MAF: variants seen among roughly 807,000 people sequenced by gnomAD.
MAF encodes the protein MAF bZIP transcription factor.
In MAF, 10 loss-of-function variants were observed where a neutral mutation model predicts 22.0. That is an observed-to-expected ratio of 0.45 (90% CI 0.28 to 0.77). MAF has a LOEUF of 0.77. Ranked by LOEUF, MAF falls within the 30% of genes least tolerant of loss-of-function variation. MAF has a pLI of 0.12. For synonymous variants in MAF, 337 were observed against 255.8 expected (o/e 1.32, Z -3.03); for missense variants, 544 against 548.4 (o/e 0.99, Z 0.08).
At chr16:79,494,725 C>G in the MAF span, among the ~76,000 whole-genome samples, 5 of 152,200 alleles carry the variant, frequency 3.3e-5, 1 homozygote. Flanking sequence ...CTGAGTGTCC[C>G]GGTAACCGCC....
chr16:79,406,957 G>C, the MAF span, among the ~76,000 whole-genome samples: 596 of 152,224 alleles, frequency 3.9e-3, 4 homozygotes, highest in African/African-American at 0.014. Context: ...TCAGCAAACC[G>C]AACAGGCAGA....
the MAF span, among the ~76,000 whole-genome samples, chr16:79,443,354 C>G: frequency 6.6e-6 from 1 of 152,124 alleles, no homozygotes; most frequent in Non-Finnish European, 1.5e-5. Flanking sequence ...GTTGACCAAT[C>G]AGAAGATGGT....
At chr16:79,224,755 T>C in the MAF span, among the ~76,000 whole-genome samples, 8 of 152,154 alleles carry the variant, frequency 5.3e-5, no homozygotes, top group Non-Finnish European at 1.2e-4. Flanking sequence ...TGAACTCCTA[T>C]TCACAATTGC....
At chr16:79,510,465 G>A in the MAF span, among the ~76,000 whole-genome samples, 15 of 152,282 alleles carry the variant, frequency 9.9e-5, no homozygotes, top group East Asian at 2.5e-3. Context: ...TGCTTCTTTC[G>A]AGATGTTCTG....
the MAF span, among the ~76,000 whole-genome samples, chr16:79,217,343 A>G: frequency 1.8e-4 from 28 of 152,342 alleles, no homozygotes; most frequent in East Asian, 5.2e-3. Context: ...CCTATAGACT[A>G]GAAGCATATA....
the MAF span, among the ~76,000 whole-genome samples, chr16:79,426,464 C>T: frequency 6.6e-6 from 1 of 152,142 alleles, no homozygotes; most frequent in Non-Finnish European, 1.5e-5. Flanking sequence ...TGTTATCTTA[C>T]ATAGCCCAGT....
At chr16:79,582,251 G>C (rs534999519), downstream of MAF, among the ~76,000 whole-genome samples, 1 of 152,306 alleles carries the variant, frequency 6.6e-6, no homozygotes, top group Admixed American at 6.5e-5. Flanking sequence ...CAGGTGAAGG[G>C]AGTTTAAACA....
chr16:79,224,195 G>C, the MAF span, among the ~76,000 whole-genome samples: 1 of 152,164 alleles, frequency 6.6e-6, no homozygotes, highest in Non-Finnish European at 1.5e-5. Flanking sequence ...GGGATGCAAG[G>C]CTGGTTTAAC....
chr16:79,416,651 T>C, the MAF span, among the ~76,000 whole-genome samples: 6 of 152,158 alleles, frequency 3.9e-5, no homozygotes, highest in East Asian at 1.9e-4. Context: ...GACTCAGATA[T>C]TGTTCCTGGG....
chr16:79,530,773 C>T, the MAF span, among the ~76,000 whole-genome samples: 5 of 152,164 alleles, frequency 3.3e-5, no homozygotes, highest in Middle Eastern at 3.4e-3. Context: ...TTATTGTATC[C>T]TTTCAAAATC....
At chr16:79,391,809 C>T in the MAF span, among the ~76,000 whole-genome samples, 1 of 151,286 alleles carries the variant, frequency 6.6e-6, no homozygotes, top group Non-Finnish European at 1.5e-5. Flanking sequence ...CAAATGTGTC[C>T]CCCTTTCCCA....
At chr16:79,414,437 G>C in the MAF span, among the ~76,000 whole-genome samples, 2 of 152,178 alleles carry the variant, frequency 1.3e-5, no homozygotes, top group Non-Finnish European at 2.9e-5. Flanking sequence ...CAGATCTCAT[G>C]TGAACTAATA....
At chr16:79,325,968 G>C in the MAF span, among the ~76,000 whole-genome samples, 1 of 152,174 alleles carries the variant, frequency 6.6e-6, no homozygotes, top group South Asian at 2.1e-4. Flanking sequence ...ATTGAACAAG[G>C]AGAGGCAGAT....
At chr16:79,431,664 CCT>C in the MAF span, among the ~76,000 whole-genome samples, 1 of 152,162 alleles carries the variant, frequency 6.6e-6, no homozygotes, top group Non-Finnish European at 1.5e-5. Flanking sequence ...CGAATGCTAA[CCT>C]GTGTTTTCCG....
the MAF span, among the ~76,000 whole-genome samples, chr16:79,510,782 G>A: frequency 5.7e-4 from 87 of 152,324 alleles, no homozygotes; most frequent in African/African-American, 2.0e-3. Context: ...TTCATTTTGT[G>A]TTGGGCCCCA....
the MAF span, among the ~76,000 whole-genome samples, chr16:79,388,454 G>C: frequency 0.29 from 44,134 of 152,026 alleles, 7,497 homozygotes; most frequent in East Asian, 0.52. Context: ...TAGTCCATAG[G>C]ATACTTTTCT....
chr16:79,491,586 G>A, the MAF span, among the ~76,000 whole-genome samples: 8 of 152,062 alleles, frequency 5.3e-5, no homozygotes, highest in South Asian at 2.1e-4. Context: ...CCTGCCTCCC[G>A]GTGGTAAATA....
At chr16:79,466,096 T>C in the MAF span, among the ~76,000 whole-genome samples, 23 of 152,320 alleles carry the variant, frequency 1.5e-4, no homozygotes, top group South Asian at 4.8e-3. Context: ...ACAGTTTTTC[T>C]CGCTTTTAGG....
At chr16:79,299,832 A>G in the MAF span, among the ~76,000 whole-genome samples, 2 of 152,172 alleles carry the variant, frequency 1.3e-5, no homozygotes, top group Non-Finnish European at 2.9e-5. Flanking sequence ...GATGTTGAAT[A>G]TGATTATTTA....
Sources: gnomAD v4.1 joint callset for allele counts (sites outside exome capture counted in the v4.1 genomes callset) on GRCh38, gnomAD v4.1.1 for gene constraint, MANE v1.5 for transcripts, NCBI Gene and HGNC (gene_info 2026-07-23, HGNC 2026-07-21) for gene names.